Variants in IFT57 observed in about 807,000 individuals in gnomAD.
The protein encoded by IFT57 is intraflagellar transport protein 57 homolog.
Under a neutral mutation model 56.8 loss-of-function variants are expected in IFT57, and 59 were observed. The ratio of observed to expected loss-of-function variants is 1.04; its 90% confidence interval spans 0.84 to 1.29. The LOEUF (loss-of-function observed/expected upper bound fraction) is 1.29, where lower values mean the gene tolerates loss of function less well. Ranked by LOEUF, IFT57 falls within the 50% of genes most tolerant of loss-of-function variation. IFT57 has a pLI of 0.00. For missense variants in IFT57, 470 were observed against 522.1 expected (o/e 0.90, Z 0.97); for synonymous variants, 209 against 186.1 (o/e 1.12, Z -1.00).
chr3:108,215,853 A>G (rs1202237990), intron 3 of IFT57, among the ~76,000 whole-genome samples: 1 of 152,168 alleles, frequency 6.6e-6, no homozygotes, highest in Non-Finnish European at 1.5e-5. Flanking sequence ...AAGTTATCCA[A>G]GTCACAGTCT....
chr3:108,179,298 C>T (rs1282792933), intron 6 of IFT57, among the ~76,000 whole-genome samples: 1 of 151,892 alleles, frequency 6.6e-6, no homozygotes, highest in African/African-American at 2.4e-5. Context: ...TGTCTAAAAA[C>T]TCATCTAGGG....
Position 108,214,017 on chromosome 3 carries a change from T to A in IFT57, c.499A>T (p.Ile167Leu). Residue 167 changes from isoleucine (I) to leucine (L), a missense_variant, in exon 4 of 11, where the codon ATA becomes TTA. Physicochemically the swap from Ile to Leu is conservative, Grantham distance 5. Coordinates refer to ENST00000264538, the MANE Select transcript of IFT57 (RefSeq NM_018010.4). ...TCTTCTAATTCTTCTACTGGGTATA[T>A]TGGCCTAAAATAATAAGATTAAACA... is the stretch of plus-strand genomic sequence containing the variant. ...KYIGFTWKRP[I>L]YPVEELEEES... The A allele has an allele frequency of 6.3e-7, 1 of 1,580,284 alleles. No homozygotes were observed. The highest frequency in any genetic ancestry group is 8.7e-7 in the Non-Finnish European group (1 of 1,150,102).
chr3:108,221,999 G>A (rs1041575849), intron 1 of IFT57, 112 bp downstream of exon 1: 1 of 1,496,144 alleles, frequency 6.7e-7, no homozygotes, highest in African/African-American at 1.4e-5. Flanking sequence ...TAGGAAGACG[G>A]AGGCAAGGAA....
chr3:108,216,436 T>C (rs148714855), intron 3 of IFT57, among the ~76,000 whole-genome samples: 69 of 152,262 alleles, frequency 4.5e-4, no homozygotes, highest in Admixed American at 2.4e-3. Flanking sequence ...TCACCCCAGT[T>C]AGAATGGCTA....
At chr3:108,170,129 G>A (rs1039162913) in intron 6 of IFT57, among the ~76,000 whole-genome samples, 15 of 151,994 alleles carry the variant, frequency 9.9e-5, no homozygotes, top group African/African-American at 3.4e-4. Context: ...ATTCAACATA[G>A]TATTGGAAGT....
intron 6 of IFT57, 41 bp downstream of exon 6, chr3:108,191,480 C>CT (rs60290956): frequency 0.056 from 64,631 of 1,147,572 alleles, 7 homozygotes; most frequent in Non-Finnish European, 0.062. Flanking sequence ...TTCCTTATAA[C>CT]TTTTTTTTTT....
At chr3:108,198,908 T>C (rs986064823) in intron 5 of IFT57, among the ~76,000 whole-genome samples, 14 of 152,218 alleles carry the variant, frequency 9.2e-5, no homozygotes, top group African/African-American at 3.4e-4. Context: ...CTGATTTGCA[T>C]TGCTTCATAT....
In IFT57 at chr3:108,200,110, T is replaced by C. The variant is rs2080269502; in HGVS notation, c.654+6518A>G. On this transcript the variant is annotated intron_variant, in intron 5 of 10. Transcript: ENST00000264538. ...AAATTTTATTGCTCTACACTCTATA[T>C]AAATGGACCTGTAGGCAATGAAAGC... is the stretch of plus-strand genomic sequence containing the variant. 2.0e-5 allele frequency among the ~76,000 whole-genome samples: 3 copies of C among 152,206 alleles called. No individual in the cohort carries two copies. The South Asian group carries it at 6.2e-4, about 32-fold the overall frequency.
chr3:108,207,415 T>C (rs190948670), intron 4 of IFT57, among the ~76,000 whole-genome samples: 151 of 152,312 alleles, frequency 9.9e-4, no homozygotes, highest in African/African-American at 3.2e-3. Context: ...AGCTCCCCTT[T>C]TCTTCATATG....
chr3:108,179,253 T>G (rs1008357264), intron 6 of IFT57, among the ~76,000 whole-genome samples: 8 of 151,810 alleles, frequency 5.3e-5, no homozygotes, highest in African/African-American at 1.5e-4. Context: ...AGAGCTATAT[T>G]CCAAAAGTGA....
chr3:108,164,071 T>C (rs1246099004), intron 9 of IFT57, among the ~76,000 whole-genome samples: 1 of 152,072 alleles, frequency 6.6e-6, no homozygotes, highest in East Asian at 1.9e-4. Flanking sequence ...AATAACTGGT[T>C]ATTAATTAAA....
Position 108,206,698 on chromosome 3 carries a change from T to C in IFT57, c.586-2A>G. ...TTCTTCATTATCTGTCTCTTCTTCC[T>C]TAGAAAATAAATTTTTAAAAAATTA... On this transcript the variant is annotated splice_acceptor_variant, in intron 4 of 10. Transcript: ENST00000264538. LOFTEE classifies it high-confidence loss of function. 1 of 1,192,754 alleles carries C rather than the reference T, an allele frequency of 8.4e-7. No individual in the cohort carries two copies. Among genetic ancestry groups the C allele is most frequent in the Non-Finnish European group, 1.1e-6 (1 of 891,068 alleles). The allele number at this position is 1,192,754 out of a possible 1,614,324, so 73.9% of individuals were successfully genotyped here. A position where few individuals can be genotyped will look rare whatever the true frequency, so the allele number is the denominator to read the frequency against.
At chr3:108,212,811 GA>G (rs2080350147) in intron 4 of IFT57, among the ~76,000 whole-genome samples, 1 of 151,850 alleles carries the variant, frequency 6.6e-6, no homozygotes, top group Non-Finnish European at 1.5e-5. Context: ...ATTATCTATT[GA>G]TTTTAAAAAT....
chr3:108,198,007 T>C (rs2080252715), intron 5 of IFT57, among the ~76,000 whole-genome samples: 1 of 152,216 alleles, frequency 6.6e-6, no homozygotes, highest in African/African-American at 2.4e-5. Flanking sequence ...TTATCATTAC[T>C]ATTACATGCC....
chr3:108,172,988 ATAAAGT>A (rs2080102814), intron 6 of IFT57, among the ~76,000 whole-genome samples: 5 of 151,844 alleles, frequency 3.3e-5, no homozygotes, highest in Admixed American at 2.0e-4. Context: ...CATGCCTGAT[ATAAAGT>A]TAAAGTCAAA....
At chr3:108,217,518 G>A (rs926241142) in intron 3 of IFT57, among the ~76,000 whole-genome samples, 9 of 151,800 alleles carry the variant, frequency 5.9e-5, no homozygotes, top group Non-Finnish European at 2.9e-5. Context: ...ATATGAAATT[G>A]CCATTTTTTA....
chr3:108,167,018 A>T, intron 7 of IFT57, 33 bp from the exon 8 acceptor site: 1 of 1,575,770 alleles, frequency 6.3e-7, no homozygotes, highest in South Asian at 1.2e-5. Flanking sequence ...AGATAGAAGA[A>T]CTCACAAACA....
intron 5 of IFT57, among the ~76,000 whole-genome samples, chr3:108,197,092 A>G (rs1430247150): frequency 6.6e-6 from 1 of 152,178 alleles, no homozygotes; most frequent in Non-Finnish European, 1.5e-5. Flanking sequence ...TAACACATTA[A>G]CTAATATAAA....
At chr3:108,191,485 T>C in intron 6 of IFT57, 36 bp downstream of exon 6, 1 of 1,507,918 alleles carries the variant, frequency 6.6e-7, no homozygotes, top group Admixed American at 2.3e-5. Flanking sequence ...TATAACTTTT[T>C]TTTTTTTTTA....
Sources: allele counts gnomAD v4.1 joint callset (sites outside exome capture counted in the v4.1 genomes callset), GRCh38; gene constraint gnomAD v4.1.1; transcripts MANE v1.5; gene names NCBI Gene and HGNC (gene_info 2026-07-23, HGNC 2026-07-21).